Variants in CARMIL1 observed in about 807,000 individuals in gnomAD.
The protein encoded by CARMIL1 is capping protein regulator and myosin 1 linker 1.
A neutral mutation model predicts 177.1 loss-of-function variants in CARMIL1; 90 were observed. The ratio of observed to expected loss-of-function variants is 0.51; its 90% CI spans 0.43 to 0.61. The LOEUF (loss-of-function observed/expected upper bound fraction) is 0.61. Ranked by LOEUF, CARMIL1 falls within the 20% of genes least tolerant of loss-of-function variation. The probability of loss-of-function intolerance (pLI) is 0.00; values close to 1 mark genes in which losing one functional copy is unlikely to be tolerated. For synonymous variants in CARMIL1, 577 were observed against 606.2 expected, an observed-to-expected ratio of 0.95 and a Z score of 0.71; for missense variants, 1,380 against 1,667.0, an observed-to-expected ratio of 0.83 and a Z score of 3.00.
intron 8 of CARMIL1, chr6:25,451,984 T>TGGGGGGGGGGGGGGGGGGG: frequency 7.0e-6 from 1 of 143,266 alleles, no homozygotes; most frequent in Non-Finnish European, 1.4e-5. Context: ...CACTAGCATC[T>TGGGGGGGGGGGGGGGGGGG]TGCCCCCCCC....
At chr6:25,598,751 G>A (rs558332985) in intron 32 of CARMIL1, among the ~76,000 whole-genome samples, 2 of 152,156 alleles carry the variant, frequency 1.3e-5, no homozygotes, top group African/African-American at 4.8e-5. Context: ...AGGAATGGGG[G>A]CACCGAAGAG....
intron 2 of CARMIL1, among the ~76,000 whole-genome samples, chr6:25,398,009 A>G (rs1562085115): frequency 6.6e-6 from 1 of 152,188 alleles, no homozygotes; most frequent in Non-Finnish European, 1.5e-5. Context: ...GATGTTATTT[A>G]ATGCAAATTT....
At chr6:25,575,909 C>T (rs899931535) in intron 29 of CARMIL1, among the ~76,000 whole-genome samples, 3 of 152,032 alleles carry the variant, frequency 2.0e-5, no homozygotes, top group Admixed American at 6.6e-5. Flanking sequence ...CCTGTATTTC[C>T]ATCCCATTTT....
intron 29 of CARMIL1, among the ~76,000 whole-genome samples, chr6:25,575,588 T>C (rs750989434): frequency 6.6e-6 from 1 of 152,204 alleles, no homozygotes; most frequent in Non-Finnish European, 1.5e-5. Flanking sequence ...CAGGAGTCTT[T>C]GTTTTGGGCA....
At chr6:25,368,193 C>A (rs1417877836) in intron 2 of CARMIL1, among the ~76,000 whole-genome samples, 2 of 152,286 alleles carry the variant, frequency 1.3e-5, no homozygotes, top group East Asian at 3.9e-4. Context: ...GACTAGGACA[C>A]CTTCTCTTTA....
At chr6:25,488,662 G>A in intron 13 of CARMIL1, 77 bp downstream of exon 13, 10 of 1,166,796 alleles carry the variant, frequency 8.6e-6, no homozygotes, top group Non-Finnish European at 1.0e-5. Context: ...ACATGTCTTT[G>A]TAGTGCATTT....
intron 26 of CARMIL1, among the ~76,000 whole-genome samples, chr6:25,542,553 C>T (rs532456763): frequency 6.6e-6 from 1 of 152,164 alleles, no homozygotes; most frequent in African/African-American, 2.4e-5. Flanking sequence ...TGGCCTTTTC[C>T]CCACCTTTTC....
intron 2 of CARMIL1, among the ~76,000 whole-genome samples, chr6:25,374,400 A>C (rs1437687212): frequency 6.6e-6 from 1 of 152,150 alleles, no homozygotes; most frequent in Non-Finnish European, 1.5e-5. Flanking sequence ...ACTTGGTATG[A>C]TTTTGATTTT....
Position 25,386,902 on chromosome 6 carries a change from C to T in CARMIL1, c.139-33212C>T, listed in dbSNP as rs188107640. ...TAGCACTTTGGGAGGCTGAGGTGGG[C>T]GTATCACCTGAGGTCAGGAGTTCAA... On this transcript the variant is annotated intron_variant, in intron 2 of 36. Coordinates refer to ENST00000329474, the MANE Select transcript of CARMIL1 (RefSeq NM_017640.6). 5.8e-3 allele frequency among the ~76,000 whole-genome samples: 886 copies of T among 151,572 alleles called. 9 individuals are homozygous for T. Among genetic ancestry groups the T allele is most frequent in the African/African-American group, 0.02 (825 of 41,282 alleles).
intron 8 of CARMIL1, among the ~76,000 whole-genome samples, chr6:25,451,144 T>C (rs190971048): frequency 1.3e-5 from 2 of 151,670 alleles, no homozygotes; most frequent in African/African-American, 4.8e-5. Flanking sequence ...AGTTATAGTT[T>C]CAAATATGTT....
chr6:25,349,080 ACTTG>A (rs1188795720), intron 2 of CARMIL1, among the ~76,000 whole-genome samples: 1 of 152,176 alleles, frequency 6.6e-6, no homozygotes, highest in Non-Finnish European at 1.5e-5. Context: ...TCATTTTTCA[ACTTG>A]CTTGCTTTAG....
chr6:25,322,751 G>A (rs1036622964), intron 2 of CARMIL1, among the ~76,000 whole-genome samples: 1 of 152,168 alleles, frequency 6.6e-6, no homozygotes, highest in Admixed American at 6.5e-5. Flanking sequence ...TGATGTGCAG[G>A]TAGCTTACTG....
intron 29 of CARMIL1, among the ~76,000 whole-genome samples, chr6:25,573,071 TGAACAAGACA>T (rs1812249638): frequency 6.6e-6 from 1 of 152,066 alleles, no homozygotes; most frequent in Non-Finnish European, 1.5e-5. Context: ...GATCTAGAAG[TGAACAAGACA>T]GAATCCTGGC....
At chr6:25,306,864 C>T (rs1407653969) in intron 2 of CARMIL1, among the ~76,000 whole-genome samples, 1 of 148,324 alleles carries the variant, frequency 6.7e-6, no homozygotes, top group Non-Finnish European at 1.5e-5. Context: ...CCACCTGTTT[C>T]CTGCAGTGCC....
chr6:25,297,378 C>A (rs1171349904), intron 2 of CARMIL1, among the ~76,000 whole-genome samples: 1 of 152,178 alleles, frequency 6.6e-6, no homozygotes, highest in African/African-American at 2.4e-5. Flanking sequence ...CTGTAAAGTT[C>A]TGGGAGCGAT....
chr6:25,288,405 G>A lies in CARMIL1; in HGVS notation c.138+3496G>A, dbSNP rs142787173. Among the ~76,000 whole-genome samples the A allele has an allele frequency of 1.8e-3, 276 of 151,786 alleles. 1 individual carries two copies. The highest frequency in any genetic ancestry group is 6.2e-3 in the African/African-American group (257 of 41,330). Reference sequence around the variant, plus strand: ...CACCTGTGTATAATGAAATATTAAGGCTCAGTGGTTAAGGGCCCAGATTTT... The same window carrying A: ...CACCTGTGTATAATGAAATATTAAGACTCAGTGGTTAAGGGCCCAGATTTT... On this transcript the variant is annotated intron_variant, in intron 2 of 36. Coordinates refer to ENST00000329474, the MANE Select transcript of CARMIL1 (RefSeq NM_017640.6).
At position 25,588,098 on chromosome 6, in the gene CARMIL1, A is replaced by T. The variant is rs184225639; in HGVS notation, c.3007-6317A>T. ...ATTAGGTATTATAAGTAATCTAGAG[A>T]TTATTTAAAGCACACAGGAGGATGT... is the stretch of plus-strand genomic sequence containing the variant. On this transcript the variant is annotated intron_variant, in intron 31 of 36. Coordinates refer to ENST00000329474, the MANE Select transcript of CARMIL1 (RefSeq NM_017640.6). Among the ~76,000 whole-genome samples the T allele has an allele frequency of 7.9e-5, 12 of 152,336 alleles. No individual in the cohort carries two copies. The East Asian group carries it at 2.1e-3, about 27-fold the overall frequency.
chr6:25,320,426 A>G (rs1047428551), intron 2 of CARMIL1, among the ~76,000 whole-genome samples: 1 of 152,252 alleles, frequency 6.6e-6, no homozygotes, highest in Non-Finnish European at 1.5e-5. Context: ...TGTCACCAAA[A>G]TATCTTGTTT....
chr6:25,494,411 C>A (rs1368105691), intron 15 of CARMIL1, among the ~76,000 whole-genome samples: 1 of 152,154 alleles, frequency 6.6e-6, no homozygotes, highest in East Asian at 1.9e-4. Flanking sequence ...CTCCTGAATC[C>A]TGTTTTTCTT....
Sources: allele counts gnomAD v4.1 joint callset (sites outside exome capture counted in the v4.1 genomes callset), GRCh38; gene constraint gnomAD v4.1.1; transcripts MANE v1.5; gene names NCBI Gene and HGNC (gene_info 2026-07-23, HGNC 2026-07-21).